C3orf22: variants seen among roughly 807,000 people sequenced by gnomAD.
C3orf22 encodes the protein chromosome 3 open reading frame 22.
A neutral mutation model predicts 10.8 loss-of-function variants in C3orf22; 7 were observed. The ratio of observed to expected loss-of-function variants is 0.65; its 90% CI spans 0.37 to 1.22. The LOEUF is 1.22. Among genes scored for constraint, C3orf22 ranks in the 50% most tolerant of loss-of-function variants. The pLI is 0.02. For synonymous variants in C3orf22, 79 were observed against 78.9 expected (o/e 1.00, Z 0.00); for missense variants, 173 against 177.0 (o/e 0.98, Z 0.13).
At chr3:126,556,007 C>G (rs1937320090) in intron 1 of C3orf22, among the ~76,000 whole-genome samples, 1 of 152,236 alleles carries the variant, frequency 6.6e-6, no homozygotes, top group Non-Finnish European at 1.5e-5. Flanking sequence ...CCCCTCCACA[C>G]CACACCCTGT....
At chr3:126,550,766 G>A (rs1299364328) in intron 3 of C3orf22, among the ~76,000 whole-genome samples, 1 of 152,192 alleles carries the variant, frequency 6.6e-6, no homozygotes, top group Non-Finnish European at 1.5e-5. Flanking sequence ...TGGGCCCTGG[G>A]AGCCGCTTGG....
intron 4 of C3orf22, among the ~76,000 whole-genome samples, chr3:126,535,791 G>A (rs1936777547): frequency 2.0e-5 from 3 of 152,282 alleles, no homozygotes. Context: ...AGCCTAGCAA[G>A]GTGGCACTGA....
At chr3:126,542,729 G>T in intron 4 of C3orf22, 1 of 1,229,102 alleles carries the variant, frequency 8.1e-7, no homozygotes, top group East Asian at 3.2e-5. Flanking sequence ...GGCACACCTG[G>T]CCAGGCTTGG....
In C3orf22 at chr3:126,549,956, T is replaced by C; in HGVS notation, c.338A>G (p.Gln113Arg). The C allele has an allele frequency of 6.2e-7, 1 of 1,613,978 alleles. No homozygotes were observed. Among genetic ancestry groups the C allele is most frequent in the Non-Finnish European group, 8.5e-7 (1 of 1,180,008 alleles). The change falls in exon 4 of 4, where the codon CAA (glutamine) becomes CGA (arginine). Residue 113 changes from glutamine (Q) to arginine (R), a missense_variant. By Grantham distance (43) the Gln-to-Arg change is conservative. Transcript: ENST00000318225. ...CCGGGTGGACAGCAGGAAGGCGAGT[T>C]GTCTGGGGAAGCGGCGACTCAGCAA... is the stretch of plus-strand genomic sequence containing the variant. ...LKLLSRRFPR[Q>R]LAFLLSTRHT...
chr3:126,551,069 G>A (rs756776462), intron 3 of C3orf22, among the ~76,000 whole-genome samples: 4 of 152,270 alleles, frequency 2.6e-5, no homozygotes, highest in Non-Finnish European at 5.9e-5. Flanking sequence ...GCCTGGCAAA[G>A]GCCAGGGCCG....
At position 126,532,980 on chromosome 3, in the gene C3orf22, C is replaced by G. The variant is rs371718270; in HGVS notation, c.287-3608G>C. Among the ~76,000 whole-genome samples, 8 of 152,230 alleles carry G rather than the reference C, an allele frequency of 5.3e-5. 1 individual carries two copies. The highest frequency in any genetic ancestry group is 1.9e-4 in the African/African-American group (8 of 41,550). On this transcript the variant is annotated intron_variant and NMD_transcript_variant, in intron 4 of 5. Coordinates refer to the C3orf22 transcript ENST00000505070. ...TTTTCAGTGGACAGGTCTTATACTT[C>G]CTTTGTTACCAACTTCTTCTTTATT...
At chr3:126,530,504 GT>G (rs1936635034) in intron 4 of C3orf22, among the ~76,000 whole-genome samples, 1 of 152,188 alleles carries the variant, frequency 6.6e-6, no homozygotes, top group African/African-American at 2.4e-5. Context: ...CTGAGCACCA[GT>G]TCTTCCTCAG....
intron 4 of C3orf22, among the ~76,000 whole-genome samples, chr3:126,544,357 ATTTCT>A (rs1167480073): frequency 3.3e-5 from 5 of 152,176 alleles, no homozygotes; most frequent in African/African-American, 9.7e-5. Context: ...TAAAAAGTAA[ATTTCT>A]TTTCTTTATA....
In C3orf22 at chr3:126,549,752, T is replaced by C; in HGVS notation, c.*116A>G. 1 of 1,506,486 alleles carries C rather than the reference T, an allele frequency of 6.6e-7. No individual in the cohort carries two copies. The highest frequency in any genetic ancestry group is 8.9e-7 in the Non-Finnish European group (1 of 1,127,666). The allele number at this position is 1,506,486 out of a possible 1,614,324, so 93.3% of individuals were successfully genotyped here. ...GCTTTTTGGGGGGACCACAAACCACTCCCGGTCTATGATGGCCATGAAGGC... is the reference window on the plus strand; with the variant it reads ...GCTTTTTGGGGGGACCACAAACCACCCCCGGTCTATGATGGCCATGAAGGC... On this transcript the variant is annotated 3_prime_UTR_variant, in exon 4 of 4. Transcript: ENST00000318225.
intron 1 of C3orf22, among the ~76,000 whole-genome samples, chr3:126,554,267 T>G (rs1260271004): frequency 3.7e-5 from 5 of 133,510 alleles, no homozygotes; most frequent in Admixed American, 7.5e-5. Context: ...CTGTTGTTTT[T>G]TTTTTTTTTT....
chr3:126,541,551 C>T (rs1323646062), intron 4 of C3orf22, among the ~76,000 whole-genome samples: 1 of 152,206 alleles, frequency 6.6e-6, no homozygotes, highest in Non-Finnish European at 1.5e-5. Flanking sequence ...AAATCTCGGC[C>T]CAGGACAGAT....
chr3:126,553,562 C>T lies in C3orf22; in HGVS notation c.-40-132G>A, dbSNP rs1467689332. On this transcript the variant is annotated intron_variant, in intron 1 of 3. Coordinates refer to ENST00000318225, the MANE Select transcript of C3orf22 (RefSeq NM_152533.3). The stretch of plus-strand genomic sequence containing the variant: ...CTGCATCACTGCCCTGTGCATGCAC[C>T]GCTGTGTTCAATTTTCTCCTGCGTG... 6 of 629,998 alleles carry T rather than the reference C, an allele frequency of 9.5e-6. No homozygotes were observed. In the Admixed American group the frequency reaches 1.4e-4, roughly 14 times the overall value. The allele number at this position is 629,998 out of a possible 1,614,324, so 39.0% of individuals were successfully genotyped here. A position where few individuals can be genotyped will look rare whatever the true frequency, so the allele number is the denominator to read the frequency against.
intron 1 of C3orf22, among the ~76,000 whole-genome samples, chr3:126,556,630 A>C (rs561147065): frequency 1.4e-5 from 2 of 146,328 alleles, no homozygotes; most frequent in Non-Finnish European, 3.0e-5. Context: ...ACCTCGCCTC[A>C]CTGACTGCCG....
intron 1 of C3orf22, among the ~76,000 whole-genome samples, chr3:126,556,012 C>T (rs1291585899): frequency 1.3e-5 from 2 of 152,244 alleles, no homozygotes; most frequent in African/African-American, 4.8e-5. Context: ...CCACACCACA[C>T]CCTGTCCCAT....
intron 4 of C3orf22, chr3:126,542,553 C>T: frequency 6.6e-7 from 1 of 1,509,922 alleles, no homozygotes; most frequent in African/African-American, 1.4e-5. Flanking sequence ...AACTACTCCG[C>T]CCCCTCCTAC....
chr3:126,548,694 G>A (rs543055909), downstream of C3orf22, among the ~76,000 whole-genome samples: 1 of 152,078 alleles, frequency 6.6e-6, no homozygotes, highest in African/African-American at 2.4e-5. Context: ...GTCTTGGCTG[G>A]GGCGGCACAG....
intron 4 of C3orf22, among the ~76,000 whole-genome samples, chr3:126,534,032 T>A (rs74413163): frequency 0.017 from 2,594 of 152,314 alleles, 39 homozygotes; most frequent in South Asian, 0.036. Context: ...TCTCTTGTAA[T>A]CCTTTCTTGT....
intron 1 of C3orf22, among the ~76,000 whole-genome samples, 170 bp from the exon 2 acceptor site, chr3:126,553,600 A>G (rs185470523): frequency 1.9e-4 from 29 of 151,874 alleles, no homozygotes; most frequent in African/African-American, 5.6e-4. Context: ...GCTTCCTGTG[A>G]CCACCGTAAT....
downstream of C3orf22, among the ~76,000 whole-genome samples, chr3:126,546,583 C>T (rs565817724): frequency 1.7e-4 from 26 of 152,270 alleles, no homozygotes; most frequent in African/African-American, 5.8e-4. Context: ...CCCTCTCACA[C>T]AGGGAGAAAG....
Sources: allele counts gnomAD v4.1 joint callset (sites outside exome capture counted in the v4.1 genomes callset), GRCh38; gene constraint gnomAD v4.1.1; transcripts MANE v1.5; gene names NCBI Gene and HGNC (gene_info 2026-07-23, HGNC 2026-07-21).